The following DOCK4 variants were observed in gnomAD, a reference collection of about 807,000 sequenced individuals.
The protein encoded by DOCK4 is dedicator of cytokinesis 4, also known as dedicator of cytokinesis protein 4.
Under a neutral mutation model 268.1 loss-of-function variants are expected in DOCK4, and 97 were observed. The ratio of observed to expected loss-of-function variants is 0.36; its 90% CI spans 0.31 to 0.43. The LOEUF (loss-of-function observed/expected upper bound fraction) is 0.43. Among genes scored for constraint, DOCK4 ranks in the 20% least tolerant of loss-of-function variants. DOCK4 has a pLI of 1.00. For missense variants in DOCK4, 2,145 were observed against 2,455.7 expected (o/e 0.87, Z 2.67); for synonymous variants, 954 against 887.2 (o/e 1.08, Z -1.34).
chr7:111,752,920 CT>C (rs954429524), intron 42 of DOCK4, among the ~76,000 whole-genome samples: 30 of 140,030 alleles, frequency 2.1e-4, no homozygotes, highest in Non-Finnish European at 3.2e-4. Flanking sequence ...GACAAAAACA[CT>C]TTTTTTGGGT....
chr7:112,047,297 C>CG (rs1713945003), intron 1 of DOCK4, among the ~76,000 whole-genome samples: 2 of 152,150 alleles, frequency 1.3e-5, no homozygotes, highest in Admixed American at 1.3e-4. Flanking sequence ...TCAAAATATT[C>CG]GCTACCTAAA....
chr7:111,928,763 A>G (rs1184415227), intron 12 of DOCK4, among the ~76,000 whole-genome samples: 3 of 151,662 alleles, frequency 2.0e-5, no homozygotes, highest in Non-Finnish European at 4.4e-5. Context: ...TAATTTTTGT[A>G]TTTTTAGTAG....
intron 23 of DOCK4, chr7:111,863,137 C>T (rs1805689079): frequency 2.0e-6 from 1 of 507,370 alleles, no homozygotes; most frequent in Admixed American, 3.3e-5. Flanking sequence ...TGTTAAATCC[C>T]ATTAAACATA....
rs111850195 is a variant in DOCK4, at chr7:111,954,240, C to T, written c.702-8442G>A. On this transcript the variant is annotated intron_variant, in intron 8 of 52. Coordinates refer to ENST00000428084, the MANE Select transcript of DOCK4 (RefSeq NM_001363540.2). ...AATAACAAAGGACAATTCAGAAAAG[C>T]TCAGGCCGCACTATAAATTGCTCTA... is the stretch of plus-strand genomic sequence containing the variant. Among the ~76,000 whole-genome samples, 621 of 152,246 alleles carry T rather than the reference C, an allele frequency of 4.1e-3. 2 individuals carry two copies. The highest frequency in any genetic ancestry group is 0.014 in the African/African-American group (572 of 41,534).
intron 4 of DOCK4, among the ~76,000 whole-genome samples, chr7:111,997,096 T>C (rs1195426662): frequency 6.6e-6 from 1 of 152,184 alleles, no homozygotes; most frequent in Non-Finnish European, 1.5e-5. Context: ...CCCAGATCAC[T>C]AGCACAGAAG....
At chr7:112,184,012 T>C (rs1017344831) in intron 1 of DOCK4, among the ~76,000 whole-genome samples, 1 of 152,186 alleles carries the variant, frequency 6.6e-6, no homozygotes. Context: ...GTGCAGACTT[T>C]TATCACACCA....
At chr7:112,066,646 A>G (rs1406212180) in intron 1 of DOCK4, among the ~76,000 whole-genome samples, 1 of 136,150 alleles carries the variant, frequency 7.3e-6, no homozygotes, top group Non-Finnish European at 1.6e-5. Context: ...ACACATATAC[A>G]TATATACACA....
chr7:111,860,324 C>T (rs1805400917), intron 23 of DOCK4, among the ~76,000 whole-genome samples: 2 of 152,322 alleles, frequency 1.3e-5, no homozygotes, highest in Non-Finnish European at 2.9e-5. Context: ...CCCTGGAAGG[C>T]TCTCAGGGAC....
At chr7:111,904,483 C>T (rs1207225494) in intron 13 of DOCK4, among the ~76,000 whole-genome samples, 1 of 151,918 alleles carries the variant, frequency 6.6e-6, no homozygotes, top group Admixed American at 6.6e-5. Flanking sequence ...TAAGAGAAGG[C>T]CTCATGAGAA....
intron 1 of DOCK4, among the ~76,000 whole-genome samples, chr7:112,053,027 T>C (rs1179488275): frequency 2.0e-5 from 3 of 152,212 alleles, no homozygotes; most frequent in Non-Finnish European, 4.4e-5. Flanking sequence ...AATTTTCCCT[T>C]ACCCAGTGTT....
In DOCK4 at chr7:111,811,949, A is replaced by C; in HGVS notation, c.2931T>G (p.Asn977Lys). The change falls in exon 28 of 53, where the codon AAT (asparagine) becomes AAG (lysine). Residue 977 changes from asparagine (N) to lysine (K), a missense_variant and splice_region_variant. This residue lies in a region of DOCK4 where 1,598 missense variants were observed against 1,986.7 expected (regional missense o/e 0.80). Transcript: ENST00000428084. ...DWTVMRLVAN[N>K]VIITTVLYLS... is the part of the protein sequence containing the mutation. ...GGTATAGAACTGTTGTAATAATAACACTAGTGATAAAAAAAATGACAAGGT... is the reference window on the plus strand; with the variant it reads ...GGTATAGAACTGTTGTAATAATAACCCTAGTGATAAAAAAAATGACAAGGT... The C allele has an allele frequency of 6.8e-7, 1 of 1,475,730 alleles. No homozygotes were observed. Among genetic ancestry groups the C allele is most frequent in the Non-Finnish European group, 9.2e-7 (1 of 1,091,702 alleles). 91.4% of individuals were successfully genotyped at this position (1,475,730 alleles called of 1,614,324 possible).
intron 39 of DOCK4, among the ~76,000 whole-genome samples, chr7:111,763,843 A>G (rs1193619324): frequency 6.6e-6 from 1 of 152,082 alleles, no homozygotes; most frequent in African/African-American, 2.4e-5. Flanking sequence ...TAAATTCAAC[A>G]TGTATTCTGA....
rs866984546 is a variant in DOCK4 at position 111,984,313 on chromosome 7, T to C, written c.542A>G (p.Tyr181Cys). The C allele has an allele frequency of 6.2e-7, 1 of 1,611,780 alleles. No individual in the cohort carries two copies. The highest frequency in any genetic ancestry group is 8.5e-7 in the Non-Finnish European group (1 of 1,179,000). Residue 181 changes from tyrosine (Y) to cysteine (C), a missense_variant, in exon 7 of 53, where the codon TAC (tyrosine) becomes TGC (cysteine). By Grantham distance (194) the Tyr-to-Cys change is radical. Around this residue, in one of 2 missense-constraint regions of DOCK4, gnomAD observed 1,598 missense variants for 1,986.7 expected, o/e 0.80. Transcript: ENST00000428084. ...AAGATTTCCTGTACCTACCAATCGG[T>C]AGAGCTCAGTAATGCTGATGTCTTC... ...DPEDISITEL[Y>C]RLMEHRHRKK...
intron 1 of DOCK4, among the ~76,000 whole-genome samples, chr7:112,051,315 C>T (rs1289330599): frequency 6.6e-6 from 1 of 151,974 alleles, no homozygotes; most frequent in Non-Finnish European, 1.5e-5. Flanking sequence ...TAGGACACTT[C>T]AACAGCAGGA....
intron 8 of DOCK4, among the ~76,000 whole-genome samples, chr7:111,972,529 T>C (rs1797801843): frequency 6.6e-6 from 1 of 152,160 alleles, no homozygotes; most frequent in African/African-American, 2.4e-5. Context: ...ATCTGTCTTA[T>C]GTGAGGAATA....
chr7:111,764,840 T>C (rs1345065240), intron 39 of DOCK4, among the ~76,000 whole-genome samples: 2 of 151,978 alleles, frequency 1.3e-5, no homozygotes, highest in African/African-American at 4.8e-5. Flanking sequence ...TGATGGAAAT[T>C]GCAGACTGAA....
At chr7:111,994,843 T>C (rs10240134) in intron 4 of DOCK4, among the ~76,000 whole-genome samples, 28,926 of 152,102 alleles carry the variant, frequency 0.19, 2,938 homozygotes, top group Middle Eastern at 0.34. Flanking sequence ...GCTTATGACA[T>C]CACCGATATT....
intron 51 of DOCK4, among the ~76,000 whole-genome samples, chr7:111,734,649 C>G (rs1004046856): frequency 1.4e-4 from 21 of 152,128 alleles, no homozygotes; most frequent in African/African-American, 5.1e-4. Flanking sequence ...TAGTCAATGG[C>G]TATTTAGAGG....
intron 1 of DOCK4, among the ~76,000 whole-genome samples, chr7:112,104,319 C>A (rs551024434): frequency 5.3e-5 from 8 of 152,290 alleles, no homozygotes; most frequent in African/African-American, 1.7e-4. Context: ...GCAATTATTA[C>A]TGAATTACTT....
Sources: allele counts gnomAD v4.1 joint callset (sites outside exome capture counted in the v4.1 genomes callset), GRCh38; gene constraint gnomAD v4.1.1; regional missense constraint gnomAD v4.1.1; transcripts MANE v1.5; gene names NCBI Gene and HGNC (gene_info 2026-07-23, HGNC 2026-07-21).